PDE11A: variants seen among roughly 807,000 people sequenced by gnomAD.
PDE11A encodes phosphodiesterase 11A.
PDE11A carries 100 observed loss-of-function variants against 100.5 expected under a neutral mutation model. The observed-to-expected ratio is 1.00, with a 90% confidence interval of 0.85 to 1.18. PDE11A has a LOEUF of 1.18. Among genes scored for constraint, PDE11A ranks in the 50% most tolerant of loss-of-function variants. The pLI is 0.00. For missense variants in PDE11A, 1,141 were observed against 1,152.6 expected, an observed-to-expected ratio of 0.99 and a Z score of 0.15; for synonymous variants, 381 against 420.8, an observed-to-expected ratio of 0.91 and a Z score of 1.16.
At chr2:177,756,080 C>T (rs568664072) in intron 10 of PDE11A, among the ~76,000 whole-genome samples, 69 of 152,158 alleles carry the variant, frequency 4.5e-4, no homozygotes, top group Non-Finnish European at 8.2e-4. Flanking sequence ...ACATCTGGGA[C>T]CTTGGGGCCA....
At chr2:178,030,380 A>T (rs1230582833) in intron 1 of PDE11A, among the ~76,000 whole-genome samples, 4 of 152,180 alleles carry the variant, frequency 2.6e-5, no homozygotes, top group Admixed American at 2.6e-4. Flanking sequence ...AATAAATTGA[A>T]TCAGTACTTT....
intron 19 of PDE11A, among the ~76,000 whole-genome samples, chr2:177,663,535 A>G (rs1193702252): frequency 6.6e-6 from 1 of 152,178 alleles, no homozygotes; most frequent in African/African-American, 2.4e-5. Flanking sequence ...TTGAACAGAT[A>G]GCTATTAGAT....
chr2:177,688,238 G>C (rs898518364), intron 15 of PDE11A: 31 of 152,244 alleles, frequency 2.0e-4, no homozygotes, highest in African/African-American at 7.5e-4. Flanking sequence ...ATCAATAAGG[G>C]GGTGCTCCAA....
At chr2:177,971,727 G>A (rs2573087) in intron 2 of PDE11A, among the ~76,000 whole-genome samples, 42,336 of 151,888 alleles carry the variant, frequency 0.28, 6,469 homozygotes, top group African/African-American at 0.41. Flanking sequence ...GGTCACCAGG[G>A]TATTTCTCTT....
chr2:177,665,503 T>TAAAATAAAATA (rs143349310), intron 18 of PDE11A, among the ~76,000 whole-genome samples: 3 of 143,748 alleles, frequency 2.1e-5, no homozygotes, highest in African/African-American at 7.7e-5. Flanking sequence ...TAATAATAAA[T>TAAAATAAAATA]AAATAAAATA....
chr2:177,664,334 T>C (rs2080536029), intron 18 of PDE11A, among the ~76,000 whole-genome samples: 1 of 152,178 alleles, frequency 6.6e-6, no homozygotes. Context: ...TATGAGAGGT[T>C]GGGATAGAAT....
chr2:178,036,383 A>G (rs1432439715), intron 1 of PDE11A, among the ~76,000 whole-genome samples: 2 of 152,208 alleles, frequency 1.3e-5, no homozygotes, highest in Middle Eastern at 3.2e-3. Flanking sequence ...GGACACAAAC[A>G]AGTGGAAAAA....
intron 2 of PDE11A, among the ~76,000 whole-genome samples, chr2:177,955,930 A>C (rs963405250): frequency 9.9e-5 from 15 of 152,276 alleles, no homozygotes; most frequent in African/African-American, 3.1e-4. Flanking sequence ...TAAAGACTTA[A>C]ATGTTAGACC....
chr2:177,800,804 C>A (rs543525047), intron 9 of PDE11A, among the ~76,000 whole-genome samples: 23 of 152,264 alleles, frequency 1.5e-4, no homozygotes, highest in Middle Eastern at 3.4e-3. Flanking sequence ...TGCTGAGAAT[C>A]AGCCTAGTAA....
chr2:178,108,301 C>A (rs1422601712), exon 1 of PDE11A: 2 of 152,250 alleles, frequency 1.3e-5, no homozygotes, highest in Non-Finnish European at 2.9e-5. Flanking sequence ...TCGAGGCTGG[C>A]GATCCAGAAA....
Position 178,024,919 on chromosome 2 carries a change from A to C in PDE11A, c.913-10459T>G, listed in dbSNP as rs565413826. On this transcript the variant is annotated intron_variant, in intron 1 of 19. Coordinates refer to ENST00000286063, the MANE Select transcript of PDE11A (RefSeq NM_016953.4). ...ATTAGTCTTTAATGACTTGAAATCTATTATTCTTACTTTCTTCATAGAAAG... is the reference window on the plus strand; with the variant it reads ...ATTAGTCTTTAATGACTTGAAATCTCTTATTCTTACTTTCTTCATAGAAAG... Among the ~76,000 whole-genome samples the C allele has an allele frequency of 1.3e-3, 191 of 152,332 alleles. 3 individuals are homozygous for C. The highest frequency in any genetic ancestry group is 4.1e-3 in the South Asian group (20 of 4,828).
chr2:178,096,500 G>A (rs1332880002), intron 2 of PDE11A, among the ~76,000 whole-genome samples: 1 of 151,820 alleles, frequency 6.6e-6, no homozygotes, highest in East Asian at 1.9e-4. Context: ...CCACATGGTC[G>A]GGCTGCAAAT....
Position 177,626,316 on chromosome 2 carries a change from A to G in PDE11A, c.*3091T>C, listed in dbSNP as rs977076733. On this transcript the variant is annotated 3_prime_UTR_variant, in exon 20 of 20. Transcript: ENST00000286063. Reference sequence around the variant, plus strand: ...AGCACATGCTTTAAAATGTTGCTGTAGATGGACTGGCATCCATTTGTCTGG... The same window carrying G: ...AGCACATGCTTTAAAATGTTGCTGTGGATGGACTGGCATCCATTTGTCTGG... 6.6e-6 allele frequency: 1 copy of G among 152,634 alleles called. No homozygotes were observed. The highest frequency in any genetic ancestry group is 1.5e-5 in the Non-Finnish European group (1 of 68,058). The allele number at this position is 152,634 out of a possible 1,614,324, so 9.5% of individuals were successfully genotyped here.
intron 2 of PDE11A, among the ~76,000 whole-genome samples, chr2:177,977,398 T>C (rs551058366): frequency 0.037 from 5,390 of 144,220 alleles, 451 homozygotes; most frequent in African/African-American, 0.13. Flanking sequence ...GAAGGACCTC[T>C]TCAAGGAGAA....
At chr2:178,096,307 G>A (rs1687450603) in intron 2 of PDE11A, among the ~76,000 whole-genome samples, 1 of 150,462 alleles carries the variant, frequency 6.6e-6, no homozygotes, top group Non-Finnish European at 1.5e-5. Context: ...AGGAGTACAG[G>A]CACCCACCAT....
rs113008549 is a variant in PDE11A, at chr2:177,813,833, G to A, written c.1737+2996C>T. On this transcript the variant is annotated intron_variant, in intron 9 of 19. Transcript: ENST00000286063. ...TTTCCCTCCACTCTTGTTGCTAACC[G>A]GAAAAAAAAAAAGACACTGCAATAA... Among the ~76,000 whole-genome samples the A allele has an allele frequency of 3.5e-3, 488 of 141,418 alleles. 6 individuals carry two copies. Among genetic ancestry groups the A allele is most frequent in the Admixed American group, 0.023 (336 of 14,394 alleles). The allele number at this position is 141,418 out of a possible 152,430, so 92.8% of individuals were successfully genotyped here.
chr2:177,911,179 G>C (rs567222319), intron 2 of PDE11A, among the ~76,000 whole-genome samples: 1 of 152,328 alleles, frequency 6.6e-6, no homozygotes, highest in South Asian at 2.1e-4. Flanking sequence ...TTTTAAGACA[G>C]TTGTGATTCA....
At chr2:177,670,132 C>T (rs1360387265) in intron 17 of PDE11A, among the ~76,000 whole-genome samples, 2 of 152,174 alleles carry the variant, frequency 1.3e-5, no homozygotes, top group Non-Finnish European at 2.9e-5. Context: ...AGAGGCAGGA[C>T]TAATGCCAGA....
chr2:177,831,707 A>G (rs2083311131), intron 6 of PDE11A, among the ~76,000 whole-genome samples: 2 of 152,200 alleles, frequency 1.3e-5, no homozygotes. Context: ...ATAATAGGGA[A>G]CACCTCCCTA....
Sources: allele counts gnomAD v4.1 joint callset (sites outside exome capture counted in the v4.1 genomes callset), GRCh38; gene constraint gnomAD v4.1.1; transcripts MANE v1.5; gene names NCBI Gene and HGNC (gene_info 2026-07-23, HGNC 2026-07-21).